The following ARHGAP15 variants were observed in gnomAD, a reference collection of about 807,000 sequenced individuals.
The protein encoded by ARHGAP15 is rho GTPase-activating protein 15.
A neutral mutation model predicts 63.7 loss-of-function variants in ARHGAP15; 51 were observed. The observed-to-expected ratio is 0.80, with a 90% CI of 0.64 to 1.01. The LOEUF (loss-of-function observed/expected upper bound fraction) is 1.01. ARHGAP15 is among the 50% of genes least tolerant of loss of function. The pLI, the probability that ARHGAP15 is intolerant of heterozygous loss-of-function variation, is 0.00. For missense variants in ARHGAP15, 560 were observed against 564.6 expected, an observed-to-expected ratio of 0.99 and a Z score of 0.08; for synonymous variants, 191 against 193.8, an observed-to-expected ratio of 0.99 and a Z score of 0.12.
chr2:143,365,933 A>G (rs1055701907), intron 6 of ARHGAP15, among the ~76,000 whole-genome samples: 6 of 152,180 alleles, frequency 3.9e-5, no homozygotes, highest in African/African-American at 1.4e-4. Context: ...ATTCTTCTAG[A>G]AAGCTTACTT....
intron 12 of ARHGAP15, among the ~76,000 whole-genome samples, chr2:143,641,449 A>C (rs896902420): frequency 1.3e-5 from 2 of 152,144 alleles, no homozygotes; most frequent in Non-Finnish European, 2.9e-5. Context: ...AGATGGCTAG[A>C]ATAAGGTATC....
intron 13 of ARHGAP15, among the ~76,000 whole-genome samples, chr2:143,722,819 GAGA>G (rs1032103691): frequency 6.6e-6 from 1 of 152,172 alleles, no homozygotes; most frequent in South Asian, 2.1e-4. Flanking sequence ...AGAGGCAAAG[GAGA>G]AGGAGAGACC....
At chr2:143,155,806 T>C (rs1173901351) in intron 2 of ARHGAP15, 151 bp downstream of exon 2, 8 of 752,996 alleles carry the variant, frequency 1.1e-5, no homozygotes, top group Non-Finnish European at 1.2e-5. Flanking sequence ...ATACTTACAG[T>C]CATGATAATA....
rs1337538562 is a variant in ARHGAP15, at chr2:143,278,816, A to G, written c.474+28216A>G. ...GTGAAATTCATAGTCACATTTTGAG[A>G]TACAGATATTTTGTTCTTTGTACCT... On this transcript the variant is annotated intron_variant, in intron 6 of 13. Coordinates refer to ENST00000295095, the MANE Select transcript of ARHGAP15 (RefSeq NM_018460.4). 6.6e-5 allele frequency among the ~76,000 whole-genome samples: 10 copies of G among 151,734 alleles called. No individual in the cohort carries two copies. In the East Asian group the frequency reaches 1.8e-3, roughly 27 times the overall value.
chr2:143,572,715 A>C (rs911576396), intron 11 of ARHGAP15, among the ~76,000 whole-genome samples: 3 of 152,178 alleles, frequency 2.0e-5, no homozygotes, highest in African/African-American at 7.2e-5. Context: ...TGTCTCTGTC[A>C]TATGTGTATT....
intron 12 of ARHGAP15, among the ~76,000 whole-genome samples, chr2:143,658,239 T>C (rs1681559731): frequency 6.6e-6 from 1 of 152,192 alleles, no homozygotes; most frequent in South Asian, 2.1e-4. Flanking sequence ...TCTACCACTC[T>C]CTTATAAGCT....
chr2:143,463,645 T>A lies in ARHGAP15; in HGVS notation c.704-23728T>A, dbSNP rs532972671. Among the ~76,000 whole-genome samples the A allele has an allele frequency of 2.0e-5, 3 of 152,118 alleles. No homozygotes were observed. In the South Asian group the frequency reaches 6.2e-4, roughly 32 times the overall value. ...TAACCATCCATCCAGCTATCCTACATCTTACTGGTAGTGGTACTGCTTCTC... is the reference window on the plus strand; with the variant it reads ...TAACCATCCATCCAGCTATCCTACAACTTACTGGTAGTGGTACTGCTTCTC... On this transcript the variant is annotated intron_variant, in intron 8 of 13. Transcript: ENST00000295095.
At chr2:143,207,131 T>C (rs1449083964) in intron 3 of ARHGAP15, among the ~76,000 whole-genome samples, 1 of 151,898 alleles carries the variant, frequency 6.6e-6, no homozygotes, top group Non-Finnish European at 1.5e-5. Flanking sequence ...AGAAGAACCA[T>C]TAGAATATTC....
At chr2:143,673,742 G>GTA (rs1313470042) in intron 12 of ARHGAP15, among the ~76,000 whole-genome samples, 4 of 25,902 alleles carry the variant, frequency 1.5e-4, no homozygotes, top group Non-Finnish European at 5.2e-4. Flanking sequence ...GTGTGTGTGT[G>GTA]TGTGTGTGTG....
At chr2:143,366,002 A>G (rs1686277233) in intron 6 of ARHGAP15, among the ~76,000 whole-genome samples, 1 of 152,154 alleles carries the variant, frequency 6.6e-6, no homozygotes, top group Non-Finnish European at 1.5e-5. Context: ...TATATATTCT[A>G]AAATATTTTT....
At chr2:143,248,756 T>A (rs1277092741) in intron 5 of ARHGAP15, among the ~76,000 whole-genome samples, 1 of 152,242 alleles carries the variant, frequency 6.6e-6, no homozygotes, top group Non-Finnish European at 1.5e-5. Context: ...TTCCTCATTT[T>A]AGCCTTAGAC....
chr2:143,568,605 C>T (rs111911708), intron 11 of ARHGAP15, among the ~76,000 whole-genome samples: 3,497 of 152,186 alleles, frequency 0.023, 56 homozygotes, highest in Non-Finnish European at 0.036. Context: ...GACAGTGTGG[C>T]GATTCCTCAA....
intron 1 of ARHGAP15, among the ~76,000 whole-genome samples, chr2:143,143,677 A>G (rs996878541): frequency 1.3e-5 from 2 of 151,780 alleles, no homozygotes; most frequent in Non-Finnish European, 2.9e-5. Flanking sequence ...CCAACTTCAC[A>G]GTAATAAGAG....
At chr2:143,473,099 A>C (rs995829678) in intron 8 of ARHGAP15, among the ~76,000 whole-genome samples, 1 of 152,202 alleles carries the variant, frequency 6.6e-6, no homozygotes, top group African/African-American at 2.4e-5. Flanking sequence ...TCCAGTTTGC[A>C]TTCCAACAAC....
chr2:143,449,246 C>T (rs1425845969), intron 8 of ARHGAP15, among the ~76,000 whole-genome samples: 1 of 152,040 alleles, frequency 6.6e-6, no homozygotes, highest in Non-Finnish European at 1.5e-5. Context: ...CTAAACTACC[C>T]TCACCAAAAC....
chr2:143,596,647 G>C (rs1697529715), intron 11 of ARHGAP15, among the ~76,000 whole-genome samples: 1 of 152,088 alleles, frequency 6.6e-6, no homozygotes, highest in East Asian at 1.9e-4. Context: ...TTATAAACTA[G>C]CATTTGTATT....
Position 143,360,777 on chromosome 2 carries a change from T to C in ARHGAP15, c.475-74824T>C, listed in dbSNP as rs554348672. On this transcript the variant is annotated intron_variant, in intron 6 of 13. Transcript: ENST00000295095. ...AGTTAAGTACTAATAAATAGCACAA[T>C]ACAGGTGATATCTCCAAGCAACACA... Among the ~76,000 whole-genome samples, 19 of 152,274 alleles carry C rather than the reference T, an allele frequency of 1.2e-4. No individual in the cohort carries two copies. The South Asian group carries it at 3.7e-3, about 30-fold the overall frequency.
chr2:143,336,190 G>A (rs1469374130), intron 6 of ARHGAP15, among the ~76,000 whole-genome samples: 1 of 151,962 alleles, frequency 6.6e-6, no homozygotes, highest in Non-Finnish European at 1.5e-5. Context: ...TGTATTTTTT[G>A]TAGAGACAAG....
At chr2:143,621,014 T>A (rs535761257) in intron 11 of ARHGAP15, among the ~76,000 whole-genome samples, 9 of 152,206 alleles carry the variant, frequency 5.9e-5, no homozygotes, top group Non-Finnish European at 1.3e-4. Context: ...CTTTGTTGAG[T>A]TACTTCTACA....
Sources: gnomAD v4.1 joint callset for allele counts (sites outside exome capture counted in the v4.1 genomes callset) on GRCh38, gnomAD v4.1.1 for gene constraint, MANE v1.5 for transcripts, NCBI Gene and HGNC (gene_info 2026-07-23, HGNC 2026-07-21) for gene names.